FSTL5: variants seen among roughly 807,000 people sequenced by gnomAD.
The protein encoded by FSTL5 is follistatin-related protein 5.
In FSTL5, 62 loss-of-function variants were observed where a neutral mutation model predicts 89.1. The observed-to-expected ratio is 0.70, with a 90% CI of 0.57 to 0.86. FSTL5 has a LOEUF of 0.86. Ranked by LOEUF, FSTL5 falls within the 40% of genes least tolerant of loss-of-function variation. The pLI is 0.00. For synonymous variants in FSTL5, 383 were observed against 346.2 expected (o/e 1.11, Z -1.18); for missense variants, 1,057 against 1,001.6 (o/e 1.06, Z -0.75).
intron 13 of FSTL5, among the ~76,000 whole-genome samples, chr4:161,470,792 G>T (rs1015802233): frequency 2.6e-5 from 4 of 151,900 alleles, no homozygotes; most frequent in African/African-American, 9.7e-5. Context: ...AATTTCCCTT[G>T]TATGTCTTTC....
intron 6 of FSTL5, among the ~76,000 whole-genome samples, chr4:161,726,908 A>ATAT (rs1739442112): frequency 2.2e-5 from 2 of 92,984 alleles, no homozygotes; most frequent in African/African-American, 2.7e-5. Flanking sequence ...GAGCAAAAAA[A>ATAT]AAAAATATAT....
At chr4:161,966,526 TTGAGGTCTAGAATAGATGCTAATCC>T (rs1425394494) in intron 3 of FSTL5, among the ~76,000 whole-genome samples, 1 of 152,080 alleles carries the variant, frequency 6.6e-6, no homozygotes, top group East Asian at 1.9e-4. Context: ...TAAAGTTACT[TTGAGGTCTAGAATAGATGCTAATCC>T]TATATGATTG....
intron 3 of FSTL5, among the ~76,000 whole-genome samples, chr4:161,922,996 A>G (rs1225100933): frequency 6.6e-6 from 1 of 151,936 alleles, no homozygotes; most frequent in Non-Finnish European, 1.5e-5. Flanking sequence ...ATTAGTAAGT[A>G]AACAAGCCAA....
intron 7 of FSTL5, among the ~76,000 whole-genome samples, chr4:161,613,174 C>T (rs1382599773): frequency 1.3e-5 from 2 of 152,100 alleles, no homozygotes; most frequent in Non-Finnish European, 2.9e-5. Context: ...ATATAGCAGC[C>T]AGGCGCGGTG....
chr4:161,605,010 A>C (rs1734387000), intron 7 of FSTL5, among the ~76,000 whole-genome samples: 1 of 152,358 alleles, frequency 6.6e-6, no homozygotes, highest in East Asian at 1.9e-4. Context: ...ACGAGTACCT[A>C]AATTTTCAAT....
chr4:161,701,553 T>C (rs1237209574), intron 6 of FSTL5, among the ~76,000 whole-genome samples: 1 of 152,046 alleles, frequency 6.6e-6, no homozygotes, highest in Non-Finnish European at 1.5e-5. Flanking sequence ...ATTTTTATAA[T>C]CTAGTATAAA....
chr4:161,759,552 C>T (rs985765678), intron 5 of FSTL5, 21 bp from the exon 6 acceptor site: 1 of 1,442,776 alleles, frequency 6.9e-7, no homozygotes, highest in South Asian at 1.4e-5. Flanking sequence ...AATTATAAAC[C>T]ATACCTTTAG....
At chr4:161,729,236 T>A (rs773662379) in intron 6 of FSTL5, among the ~76,000 whole-genome samples, 4 of 152,344 alleles carry the variant, frequency 2.6e-5, no homozygotes, top group Middle Eastern at 3.4e-3. Context: ...ATGATTTTTT[T>A]AAATTTACGT....
intron 6 of FSTL5, among the ~76,000 whole-genome samples, chr4:161,675,442 C>T (rs1017277060): frequency 6.6e-6 from 1 of 151,212 alleles, no homozygotes; most frequent in African/African-American, 2.4e-5. Context: ...TTATATAACT[C>T]ATATATTAAG....
chr4:161,693,797 C>A lies in FSTL5; in HGVS notation c.728-37303G>T, dbSNP rs141086622. On this transcript the variant is annotated intron_variant, in intron 6 of 15. Transcript: ENST00000306100. ...GGGACTACAGGTGCCAGCCACCACG[C>A]CCGGCTACTTTTTTGTATTTTTAGT... is the stretch of plus-strand genomic sequence containing the variant. Among the ~76,000 whole-genome samples the A allele has an allele frequency of 4.5e-3, 676 of 151,888 alleles. 8 individuals carry two copies. Among genetic ancestry groups the A allele is most frequent in the African/African-American group, 0.015 (642 of 41,450 alleles).
At chr4:161,486,020 T>C (rs563830119) in intron 12 of FSTL5, among the ~76,000 whole-genome samples, 1 of 151,694 alleles carries the variant, frequency 6.6e-6, no homozygotes, top group East Asian at 2.0e-4. Flanking sequence ...GGTGCACGCC[T>C]GTAATCCCAG....
chr4:161,634,171 C>T (rs972997440), intron 7 of FSTL5, among the ~76,000 whole-genome samples: 4 of 152,178 alleles, frequency 2.6e-5, no homozygotes, highest in African/African-American at 7.2e-5. Flanking sequence ...CTTTGTCACC[C>T]ATTTGTTCAT....
At chr4:161,798,684 C>T (rs1729705779) in intron 4 of FSTL5, among the ~76,000 whole-genome samples, 1 of 151,404 alleles carries the variant, frequency 6.6e-6, no homozygotes, top group South Asian at 2.1e-4. Context: ...TCAAATTTGA[C>T]AACCACTGAT....
chr4:161,619,008 C>T (rs1295994748), intron 7 of FSTL5, among the ~76,000 whole-genome samples: 3 of 152,142 alleles, frequency 2.0e-5, no homozygotes, highest in Non-Finnish European at 4.4e-5. Context: ...ATCAATGGAA[C>T]AGAACAGAGC....
chr4:162,125,271 T>C (rs1211117857), intron 1 of FSTL5, among the ~76,000 whole-genome samples: 2 of 152,166 alleles, frequency 1.3e-5, no homozygotes, highest in African/African-American at 4.8e-5. Context: ...TATTTAATGG[T>C]TTATGATAAA....
chr4:161,746,114 T>C lies in FSTL5; in HGVS notation c.727+13297A>G, dbSNP rs370998136. ...AAATTATTTTTGCTACAATACATTG[T>C]TAAATAAAATTTCTGGAGATAGTGT... On this transcript the variant is annotated intron_variant, in intron 6 of 15. Transcript: ENST00000306100. Among the ~76,000 whole-genome samples the C allele has an allele frequency of 1.8e-4, 27 of 152,226 alleles. No individual in the cohort carries two copies. In the East Asian group the frequency reaches 2.1e-3, roughly 12 times the overall value.
intron 2 of FSTL5, among the ~76,000 whole-genome samples, chr4:162,059,180 A>T (rs1287726560): frequency 6.6e-6 from 1 of 152,216 alleles, no homozygotes; most frequent in East Asian, 1.9e-4. Context: ...ACCTAAAATT[A>T]TGTGATATTT....
At chr4:161,861,347 G>T (rs1052027768) in intron 4 of FSTL5, among the ~76,000 whole-genome samples, 1 of 152,070 alleles carries the variant, frequency 6.6e-6, no homozygotes, top group Non-Finnish European at 1.5e-5. Flanking sequence ...GTTTGAACCC[G>T]GGAGGCAGAG....
At chr4:161,673,993 TA>T (rs1211624903) in intron 6 of FSTL5, among the ~76,000 whole-genome samples, 4 of 151,988 alleles carry the variant, frequency 2.6e-5, no homozygotes, top group Non-Finnish European at 5.9e-5. Context: ...TTATTACATA[TA>T]AAATTGTTAA....
Sources: gnomAD v4.1 joint callset for allele counts (sites outside exome capture counted in the v4.1 genomes callset) on GRCh38, gnomAD v4.1.1 for gene constraint, MANE v1.5 for transcripts, NCBI Gene and HGNC (gene_info 2026-07-23, HGNC 2026-07-21) for gene names.